MEGF9: variants seen among roughly 807,000 people sequenced by gnomAD.
The protein encoded by MEGF9 is multiple epidermal growth factor-like domains protein 9.
Under a neutral mutation model 46.8 loss-of-function variants are expected in MEGF9, and 6 were observed. That is an observed-to-expected ratio of 0.13 (90% confidence interval 0.07 to 0.25). The LOEUF (loss-of-function observed/expected upper bound fraction) is 0.25, where lower values mean the gene tolerates loss of function less well. Among genes scored for constraint, MEGF9 ranks in the 10% least tolerant of loss-of-function variants. MEGF9 has a pLI of 1.00. For synonymous variants in MEGF9, 302 were observed against 330.7 expected, an observed-to-expected ratio of 0.91 and a Z score of 0.94; for missense variants, 683 against 792.4, an observed-to-expected ratio of 0.86 and a Z score of 1.66.
chr9:120,711,867 A>ACC (rs1482619093), intron 1 of MEGF9, among the ~76,000 whole-genome samples: 2 of 150,192 alleles, frequency 1.3e-5, no homozygotes, highest in African/African-American at 5.0e-5. Context: ...ACACACACAC[A>ACC]CACACCCACA....
rs1402198801 is a variant in MEGF9, at chr9:120,659,785, GACA to G, written c.602-213_602-211del. ...TACATAAATTATGTAGTGTGTGTGT[GACA>G]GTGTGTGTGTGTGTGTGTGTGTGTG... On this transcript the variant is annotated intron_variant, in intron 1 of 5. Coordinates refer to ENST00000373930, the MANE Select transcript of MEGF9 (RefSeq NM_001080497.3). Among the ~76,000 whole-genome samples, 8 of 130,414 alleles carry G rather than the reference GACA, an allele frequency of 6.1e-5. No homozygotes were observed. The East Asian group carries it at 2.1e-3, about 34-fold the overall frequency. The allele number at this position is 130,414 out of a possible 152,430, so 85.6% of individuals were successfully genotyped here.
chr9:120,695,165 G>A (rs1011019779), intron 1 of MEGF9, among the ~76,000 whole-genome samples: 4 of 152,038 alleles, frequency 2.6e-5, no homozygotes, highest in African/African-American at 9.7e-5. Flanking sequence ...GATTTATTTA[G>A]TATTTACTAC....
At chr9:120,611,864 A>AAGGAAGGAAGGAAGG (rs1564411706) in intron 4 of MEGF9, among the ~76,000 whole-genome samples, 2 of 124,846 alleles carry the variant, frequency 1.6e-5, no homozygotes, top group African/African-American at 6.9e-5. Flanking sequence ...AGGAAGGAAG[A>AAGGAAGGAAGGAAGG]AAGAGAGAGA....
intron 2 of MEGF9, among the ~76,000 whole-genome samples, chr9:120,624,735 T>C (rs866273746): frequency 1.3e-5 from 2 of 151,598 alleles, no homozygotes; most frequent in Middle Eastern, 6.8e-3. Flanking sequence ...TTAGTCAGAG[T>C]GGTGGTGTGT....
intron 1 of MEGF9, among the ~76,000 whole-genome samples, chr9:120,679,937 C>CAAA (rs34290703): frequency 4.2e-5 from 5 of 118,542 alleles, no homozygotes; most frequent in Admixed American, 8.4e-5. Context: ...GACTCCGTCT[C>CAAA]AAAAAAAAAA....
chr9:120,663,737 T>C (rs2043713152), intron 1 of MEGF9, among the ~76,000 whole-genome samples: 1 of 152,120 alleles, frequency 6.6e-6, no homozygotes. Context: ...TAAAAGTAAA[T>C]ATGGAATAAA....
chr9:120,619,141 T>C (rs1587975046), intron 3 of MEGF9, among the ~76,000 whole-genome samples: 1 of 151,716 alleles, frequency 6.6e-6, no homozygotes, highest in Non-Finnish European at 1.5e-5. Context: ...AGGTCAGGAG[T>C]TCGAGACCAG....
At chr9:120,674,037 A>G (rs2043762252) in intron 1 of MEGF9, among the ~76,000 whole-genome samples, 1 of 152,102 alleles carries the variant, frequency 6.6e-6, no homozygotes, top group African/African-American at 2.4e-5. Context: ...TAAAACTATA[A>G]CACTTCTAGA....
intron 2 of MEGF9, among the ~76,000 whole-genome samples, chr9:120,644,849 T>C (rs2043618681): frequency 6.6e-6 from 1 of 152,178 alleles, no homozygotes; most frequent in Non-Finnish European, 1.5e-5. Flanking sequence ...GAAGTCAAAC[T>C]ACAGACAGGA....
chr9:120,664,968 A>C (rs73540314), intron 1 of MEGF9, among the ~76,000 whole-genome samples: 8,637 of 152,272 alleles, frequency 0.057, 814 homozygotes, highest in African/African-American at 0.2. Context: ...TGATCAGATT[A>C]AATAGCACAT....
rs2043395688 is a variant in MEGF9, at chr9:120,601,466, G to T, written c.*3724C>A. 1 of 152,158 alleles carries T rather than the reference G, an allele frequency of 6.6e-6. No homozygotes were observed. The highest frequency in any genetic ancestry group is 6.5e-5 in the Admixed American group (1 of 15,270). The allele number at this position is 152,158 out of a possible 1,614,324, so 9.4% of individuals were successfully genotyped here. ...CACTTAAAGGGTTAAATATCCTGAT[G>T]GTACTCAGCTGACCAAAATAAACTA... is the stretch of plus-strand genomic sequence containing the variant. On this transcript the variant is annotated 3_prime_UTR_variant, in exon 6 of 6. Coordinates refer to ENST00000373930, the MANE Select transcript of MEGF9 (RefSeq NM_001080497.3).
At chr9:120,636,627 A>G (rs965565441) in intron 2 of MEGF9, among the ~76,000 whole-genome samples, 14 of 152,368 alleles carry the variant, frequency 9.2e-5, no homozygotes, top group African/African-American at 3.1e-4. Flanking sequence ...ACTTAATTCA[A>G]CTAGGACAGT....
At chr9:120,653,372 T>TA (rs2043662063) in intron 2 of MEGF9, among the ~76,000 whole-genome samples, 2 of 150,058 alleles carry the variant, frequency 1.3e-5, no homozygotes, top group Non-Finnish European at 3.0e-5. Flanking sequence ...TTTATTTATT[T>TA]TATTTATTTT....
In MEGF9 at chr9:120,713,823, C is replaced by G; in HGVS notation, c.536G>C (p.Ser179Thr). The G allele has an allele frequency of 1.5e-6, 2 of 1,300,278 alleles. No individual in the cohort carries two copies. The highest frequency in any genetic ancestry group is 2.9e-5 in the South Asian group (1 of 34,736). 80.5% of individuals were successfully genotyped at this position (1,300,278 alleles called of 1,614,324 possible). A position where few individuals can be genotyped will look rare whatever the true frequency, so the allele number is the denominator to read the frequency against. Residue 179 changes from serine to threonine, a missense_variant, in exon 1 of 6, where the codon AGC becomes ACC. By Grantham distance (58) the Ser-to-Thr change is moderately conservative. This residue lies in a region of MEGF9 where 370 missense variants were observed against 371.3 expected (regional missense o/e 1.00). Coordinates refer to ENST00000373930, the MANE Select transcript of MEGF9 (RefSeq NM_001080497.3). ...TPRTPTPDLP[S>T]SSNSSVLPTP... ...GGGGAGGACGCTGCTGTTGCTGCTG[C>G]TGGGGAGATCGGGGGTCGGGGTCCG...
chr9:120,695,495 T>C (rs1319528553), intron 1 of MEGF9, among the ~76,000 whole-genome samples: 1 of 149,570 alleles, frequency 6.7e-6, no homozygotes, highest in Non-Finnish European at 1.5e-5. Flanking sequence ...ATCCAGCTAC[T>C]TGGGAGGCTA....
intron 1 of MEGF9, among the ~76,000 whole-genome samples, chr9:120,667,541 T>C (rs926154596): frequency 6.6e-6 from 1 of 152,034 alleles, no homozygotes; most frequent in Non-Finnish European, 1.5e-5. Flanking sequence ...GGAAAATGCA[T>C]GTAAATATAA....
At chr9:120,680,773 C>T (rs181844674) in intron 1 of MEGF9, among the ~76,000 whole-genome samples, 1 of 152,028 alleles carries the variant, frequency 6.6e-6, no homozygotes, top group African/African-American at 2.4e-5. Flanking sequence ...TCTCACTCTT[C>T]CCCCCTTTCC....
chr9:120,612,645 A>G (rs1230181337), intron 3 of MEGF9, 106 bp from the exon 4 acceptor site: 1 of 991,558 alleles, frequency 1.0e-6, no homozygotes, highest in Non-Finnish European at 1.5e-6. Context: ...AAGAAAAACT[A>G]ATAGGGATTG....
intron 1 of MEGF9, among the ~76,000 whole-genome samples, chr9:120,668,560 G>GT (rs1355320652): frequency 1.3e-5 from 2 of 152,168 alleles, no homozygotes; most frequent in African/African-American, 2.4e-5. Context: ...AAATCATGTT[G>GT]TTAGTGCTTG....
Sources: gnomAD v4.1 joint callset for allele counts (sites outside exome capture counted in the v4.1 genomes callset) on GRCh38, gnomAD v4.1.1 for gene constraint, gnomAD v4.1.1 regional missense constraint, MANE v1.5 for transcripts, NCBI Gene and HGNC (gene_info 2026-07-23, HGNC 2026-07-21) for gene names.